USP6NL: variants seen among roughly 807,000 people sequenced by gnomAD.
USP6NL encodes USP6 N-terminal-like protein.
A neutral mutation model predicts 61.9 loss-of-function variants in USP6NL; 26 were observed. The observed-to-expected ratio is 0.42, with a 90% CI of 0.31 to 0.58. The LOEUF (loss-of-function observed/expected upper bound fraction) is 0.58. USP6NL is among the 20% of genes least tolerant of loss of function. The probability of loss-of-function intolerance (pLI) is 0.16; values close to 1 mark genes in which losing one functional copy is unlikely to be tolerated. For missense variants in USP6NL, 1,114 were observed against 1,034.3 expected (o/e 1.08, Z -1.06); for synonymous variants, 432 against 390.1 (o/e 1.11, Z -1.27).
chr10:11,566,582 G>C lies in USP6NL; in HGVS notation c.4+31049C>G, dbSNP rs959003569. Among the ~76,000 whole-genome samples the C allele has an allele frequency of 2.6e-5, 4 of 152,344 alleles. No individual in the cohort carries two copies. The East Asian group carries it at 7.7e-4, about 29-fold the overall frequency. ...CACAAGACTAGTAAGTAGTGGATTC[G>C]AGAGCTGAACTCGGGCAATCTGGCT... On this transcript the variant is annotated intron_variant, in intron 2 of 14. Coordinates refer to ENST00000609104, the MANE Select transcript of USP6NL (RefSeq NM_014688.5).
At chr10:11,583,079 T>C (rs1837839713) in intron 2 of USP6NL, among the ~76,000 whole-genome samples, 1 of 151,632 alleles carries the variant, frequency 6.6e-6, no homozygotes, top group African/African-American at 2.4e-5. Context: ...AAATAAAGGA[T>C]GACAGGAGAG....
chr10:11,525,563 T>C lies in USP6NL; in HGVS notation c.73-95A>G, dbSNP rs1283134608. ...ACGAAGAAATAAGAGCTATTTTTAA[T>C]GTATTACTAAAAATAAGAGCTGGAA... On this transcript the variant is annotated intron_variant, in intron 3 of 14. Transcript: ENST00000609104. This position sits in a 1 kb window ranked among gnomAD's most constrained non-coding sequence, Gnocchi z 5.0. 3.6e-6 allele frequency: 4 copies of C among 1,099,772 alleles called. No homozygotes were observed. The highest frequency in any genetic ancestry group is 5.0e-6 in the Non-Finnish European group (4 of 796,884). 68.1% of individuals were successfully genotyped at this position (1,099,772 alleles called of 1,614,324 possible).
intron 2 of USP6NL, among the ~76,000 whole-genome samples, chr10:11,529,603 A>G (rs1430509218): frequency 1.3e-5 from 2 of 152,264 alleles, no homozygotes; most frequent in African/African-American, 4.8e-5. Context: ...GTGAATAACT[A>G]AACAGAATGA....
At position 11,549,304 on chromosome 10, in the gene USP6NL, GCTTT is replaced by G. The variant is rs1401250959; in HGVS notation, c.5-21741_5-21738del. Among the ~76,000 whole-genome samples, 6 of 152,228 alleles carry G rather than the reference GCTTT, an allele frequency of 3.9e-5. No individual in the cohort carries two copies. In the East Asian group the frequency reaches 5.8e-4, roughly 15 times the overall value. On this transcript the variant is annotated intron_variant, in intron 2 of 14. Coordinates refer to ENST00000609104, the MANE Select transcript of USP6NL (RefSeq NM_014688.5). ...AAGCAAAAGAGTCCAGGACATACAT[GCTTT>G]CTTTATGTTTACATTATATGATATG...
chr10:11,555,433 A>AAATATATAT (rs1275798295), intron 2 of USP6NL, among the ~76,000 whole-genome samples: 9 of 49,030 alleles, frequency 1.8e-4, no homozygotes, highest in African/African-American at 8.5e-4. Flanking sequence ...AAAAAAAAAA[A>AAATATATAT]ATATATATAT....
intron 5 of USP6NL, among the ~76,000 whole-genome samples, chr10:11,514,096 A>G (rs1053527459): frequency 2.6e-5 from 4 of 152,148 alleles, no homozygotes; most frequent in African/African-American, 4.8e-5. Context: ...TATTTGCCCA[A>G]TTTTTCCATT....
chr10:11,467,480 T>C (rs939597761), intron 14 of USP6NL, among the ~76,000 whole-genome samples: 12 of 152,222 alleles, frequency 7.9e-5, no homozygotes, highest in African/African-American at 2.2e-4. Flanking sequence ...ATATTTGCTA[T>C]AAGGATGTTC....
chr10:11,603,550 C>T (rs1838618580), intron 1 of USP6NL, among the ~76,000 whole-genome samples: 2 of 152,146 alleles, frequency 1.3e-5, no homozygotes, highest in Admixed American at 1.3e-4. Context: ...ACAATAAGCA[C>T]TATAGCAGAC....
intron 2 of USP6NL, among the ~76,000 whole-genome samples, chr10:11,549,926 G>C (rs1311321692): frequency 6.6e-6 from 1 of 152,128 alleles, no homozygotes; most frequent in African/African-American, 2.4e-5. Context: ...ATTTATATTT[G>C]AATAAGCTCT....
In USP6NL at chr10:11,462,886, G is replaced by T; in HGVS notation, c.2042C>A (p.Pro681Gln). Residue 681 changes from proline to glutamine, a missense_variant, in exon 15 of 15, where the codon CCG becomes CAG. Physicochemically the swap from Pro to Gln is moderately conservative, Grantham distance 76. Transcript: ENST00000609104. ...GCTTGGGCGGCTGTAAGATTTCTCCGGAGAAGCACTGACGGAAAGAGTAGA... is the reference window on the plus strand; with the variant it reads ...GCTTGGGCGGCTGTAAGATTTCTCCTGAGAAGCACTGACGGAAAGAGTAGA... Reference protein sequence around the residue: ...HGSTLSVSASPEKSYSRPSPL... With the variant: ...HGSTLSVSASQEKSYSRPSPL... 1 of 1,613,654 alleles carries T rather than the reference G, an allele frequency of 6.2e-7. No individual in the cohort carries two copies. The highest frequency in any genetic ancestry group is 8.5e-7 in the Non-Finnish European group (1 of 1,179,760).
chr10:11,599,193 T>G (rs1838427647), intron 1 of USP6NL, among the ~76,000 whole-genome samples: 1 of 152,224 alleles, frequency 6.6e-6, no homozygotes, highest in Non-Finnish European at 1.5e-5. Context: ...TGGAGCATGC[T>G]GACTGCTGAC....
At chr10:11,529,152 A>C (rs1454813053) in intron 2 of USP6NL, among the ~76,000 whole-genome samples, 2 of 152,220 alleles carry the variant, frequency 1.3e-5, no homozygotes, top group Non-Finnish European at 2.9e-5. Flanking sequence ...ATAAAAATAA[A>C]ATCTAAAATG....
Position 11,481,389 on chromosome 10 carries a change from T to C in USP6NL, c.1078+381A>G, listed in dbSNP as rs1169561115. 1.3e-5 allele frequency among the ~76,000 whole-genome samples: 2 copies of C among 152,170 alleles called. No individual in the cohort carries two copies. The highest frequency in any genetic ancestry group is 1.5e-5 in the Non-Finnish European group (1 of 68,032). On this transcript the variant is annotated intron_variant, in intron 14 of 14. Transcript: ENST00000609104. This position sits in a 1 kb window ranked among gnomAD's most constrained non-coding sequence, Gnocchi z 4.4. ...CTCATCTATAAGATGGGGCTTTTAC[T>C]GTACTTACTATTGCTGTACTTACTA...
chr10:11,504,245 T>C (rs1038557898), intron 6 of USP6NL, among the ~76,000 whole-genome samples: 1 of 152,210 alleles, frequency 6.6e-6, no homozygotes, highest in Non-Finnish European at 1.5e-5. Context: ...CACAAATTTT[T>C]AACTATCATA....
intron 2 of USP6NL, among the ~76,000 whole-genome samples, chr10:11,588,974 T>G (rs1838070387): frequency 6.6e-6 from 1 of 152,144 alleles, no homozygotes; most frequent in South Asian, 2.1e-4. Context: ...GTACAAAGTT[T>G]CCATACAAGG....
intron 4 of USP6NL, among the ~76,000 whole-genome samples, chr10:11,519,192 T>A (rs1566153076): frequency 6.6e-6 from 1 of 152,162 alleles, no homozygotes; most frequent in Non-Finnish European, 1.5e-5. Flanking sequence ...AGGCCCCAGC[T>A]TGCCACCCTC....
rs1838588425 is a variant in USP6NL, at chr10:11,602,875, A to G, written c.-83-5158T>C. Among the ~76,000 whole-genome samples the G allele has an allele frequency of 6.6e-6, 1 of 152,230 alleles. No homozygotes were observed. Among genetic ancestry groups the G allele is most frequent in the Admixed American group, 6.5e-5 (1 of 15,282 alleles). ...ATTAGAAATTATTTCAGTTAATATTAAAGTCATTATTCACTAACAGAGAAA... is the reference window on the plus strand; with the variant it reads ...ATTAGAAATTATTTCAGTTAATATTGAAGTCATTATTCACTAACAGAGAAA... On this transcript the variant is annotated intron_variant, in intron 1 of 14. Transcript: ENST00000609104. The surrounding 1 kb of genome is among the most constrained non-coding windows in gnomAD (Gnocchi z 4.8).
Position 11,598,362 on chromosome 10 carries a change from A to T in USP6NL, c.-83-645T>A, listed in dbSNP as rs555579073. The stretch of plus-strand genomic sequence containing the variant: ...AAAAATATACTTGATACTACACATA[A>T]AATTTTGTACTTGTTCCTTTCCACT... On this transcript the variant is annotated intron_variant, in intron 1 of 14. Transcript: ENST00000609104. The surrounding 1 kb of genome is among the most constrained non-coding windows in gnomAD (Gnocchi z 4.7). 6.6e-6 allele frequency among the ~76,000 whole-genome samples: 1 copy of T among 152,258 alleles called. No homozygotes were observed. The highest frequency in any genetic ancestry group is 1.9e-4 in the East Asian group (1 of 5,186).
chr10:11,494,973 G>A (rs1340460513), intron 7 of USP6NL, among the ~76,000 whole-genome samples: 1 of 151,988 alleles, frequency 6.6e-6, no homozygotes. Flanking sequence ...GAGGAGCAGA[G>A]TCTTCTCTAA....
Sources: allele counts gnomAD v4.1 joint callset (sites outside exome capture counted in the v4.1 genomes callset), GRCh38; gene constraint gnomAD v4.1.1; non-coding constraint Gnocchi (gnomAD v3.1); transcripts MANE v1.5; gene names NCBI Gene and HGNC (gene_info 2026-07-23, HGNC 2026-07-21).